WDR1: variants seen among roughly 807,000 people sequenced by gnomAD.
WDR1 encodes WD repeat domain 1, also known as WD repeat-containing protein 1.
Under a neutral mutation model 71.9 loss-of-function variants are expected in WDR1, and 21 were observed. The observed-to-expected ratio is 0.29, with a 90% CI of 0.21 to 0.42. The LOEUF (loss-of-function observed/expected upper bound fraction) is 0.42. Among genes scored for constraint, WDR1 ranks in the 10% least tolerant of loss-of-function variants. The pLI is 1.00. For synonymous variants in WDR1, 424 were observed against 347.4 expected, an observed-to-expected ratio of 1.22 and a Z score of -2.45; for missense variants, 696 against 824.5, an observed-to-expected ratio of 0.84 and a Z score of 1.91.
intron 14 of WDR1, chr4:10,076,396 A>T (rs1000352355): frequency 6.6e-6 from 1 of 152,248 alleles, no homozygotes; most frequent in Non-Finnish European, 1.5e-5. Context: ...AGGTCACTTC[A>T]TGTTTGGTGG....
chr4:10,097,756 C>A lies in WDR1; in HGVS notation c.513G>T (p.Ala171=), dbSNP rs191441707. Residue 171 remains alanine (A), a synonymous_variant, in exon 5 of 15, where the codon GCG becomes GCT. Transcript: ENST00000499869. Reference sequence around the variant, plus strand: ...TGAATGGGGGTCCCTCAAAGAATGCCGCGCAGTTATCATCGCTTCCCGTGG... The same window carrying A: ...TGAATGGGGGTCCCTCAAAGAATGCAGCGCAGTTATCATCGCTTCCCGTGG... ...RLATGSDDNC[A]AFFEGPPFKF... The A allele has an allele frequency of 1.2e-6, 2 of 1,613,172 alleles. No homozygotes were observed. The highest frequency in any genetic ancestry group is 2.2e-5 in the East Asian group (1 of 44,856).
At chr4:10,116,544 T>C (rs908488610) in intron 1 of WDR1, 107 bp downstream of exon 1, 3 of 886,464 alleles carry the variant, frequency 3.4e-6, no homozygotes, top group South Asian at 5.3e-5. Flanking sequence ...CCCGCACCCC[T>C]CCCCCGCGCC....
At chr4:10,089,302 T>G (rs1711808958) in intron 5 of WDR1, among the ~76,000 whole-genome samples, 1 of 152,116 alleles carries the variant, frequency 6.6e-6, no homozygotes, top group South Asian at 2.1e-4. Context: ...AGAGATGGGG[T>G]TTCCCTTTGT....
chr4:10,107,888 G>T (rs757972703), intron 2 of WDR1, among the ~76,000 whole-genome samples: 8 of 152,166 alleles, frequency 5.3e-5, no homozygotes. Flanking sequence ...GCCCAGTGGT[G>T]CCCATTTGAA....
rs147506185 is a variant in WDR1, at chr4:10,089,014, C to A, written c.559-273G>T. 4.7e-3 allele frequency among the ~76,000 whole-genome samples: 720 copies of A among 152,296 alleles called. 21 individuals are homozygous for A. In the East Asian group the frequency reaches 0.08, roughly 17 times the overall value. ...GCAGACCACCTCCAGTTATGCCCCCCCCAGTGAGGTGCCCCCAGCAGCTGC... is the reference window on the plus strand; with the variant it reads ...GCAGACCACCTCCAGTTATGCCCCCACCAGTGAGGTGCCCCCAGCAGCTGC... On this transcript the variant is annotated intron_variant, in intron 5 of 14. Coordinates refer to ENST00000499869, the MANE Select transcript of WDR1 (RefSeq NM_017491.5).
intron 6 of WDR1, 95 bp downstream of exon 6, chr4:10,088,569 T>C (rs113914931): frequency 4.6e-5 from 56 of 1,213,322 alleles, no homozygotes; most frequent in African/African-American, 4.5e-4. Context: ...AAGTTCTGCA[T>C]GTCAGGACTA....
chr4:10,109,130 C>T (rs910866188), intron 2 of WDR1, among the ~76,000 whole-genome samples: 2 of 152,264 alleles, frequency 1.3e-5, no homozygotes, highest in African/African-American at 4.8e-5. Flanking sequence ...AACCTCACAA[C>T]ACCTGCTGTA....
rs1484304662 is a variant in WDR1 at position 10,116,775 on chromosome 4, G to A, written c.-109C>T. On this transcript the variant is annotated 5_prime_UTR_variant, in exon 1 of 15. Transcript: ENST00000499869. ...GCCCGGGGACTGGAGCCGGAAGGCG[G>A]CACCGGGCGTGCCGGGAGTGGAGTG... The A allele has an allele frequency of 7.4e-5, 90 of 1,214,198 alleles. No homozygotes were observed. The highest frequency in any genetic ancestry group is 8.7e-5 in the Non-Finnish European group (84 of 966,670). 75.2% of individuals were successfully genotyped at this position (1,214,198 alleles called of 1,614,324 possible). A position where few individuals can be genotyped will look rare whatever the true frequency, so the allele number is the denominator to read the frequency against.
chr4:10,087,404 G>T (rs533178905), intron 8 of WDR1, among the ~76,000 whole-genome samples: 1 of 152,372 alleles, frequency 6.6e-6, no homozygotes, highest in South Asian at 2.1e-4. Flanking sequence ...GAGCCCTGCA[G>T]GAAGTAACCG....
intron 2 of WDR1, among the ~76,000 whole-genome samples, chr4:10,111,730 G>A (rs1713377106): frequency 6.6e-6 from 1 of 152,126 alleles, no homozygotes; most frequent in Admixed American, 6.5e-5. Context: ...AAACACAGGT[G>A]AGTCCTCTGC....
intron 6 of WDR1, 73 bp downstream of exon 6, chr4:10,088,591 C>G (rs777229267): frequency 7.4e-7 from 1 of 1,359,874 alleles, no homozygotes; most frequent in Non-Finnish European, 1.0e-6. Context: ...CATTAGGCAG[C>G]CTGCGGCTCT....
intron 9 of WDR1, 101 bp from the exon 10 acceptor site, chr4:10,083,279 C>G (rs1250849293): frequency 1.4e-6 from 2 of 1,418,358 alleles, no homozygotes; most frequent in East Asian, 5.0e-5. Flanking sequence ...GAATGAGAAT[C>G]TCGCCGCAAA....
intron 2 of WDR1, 145 bp downstream of exon 2, chr4:10,115,968 G>C: frequency 8.8e-7 from 1 of 1,132,302 alleles, no homozygotes; most frequent in Non-Finnish European, 1.2e-6. Context: ...CCGGGGCTCC[G>C]AGGTGTGGCT....
chr4:10,094,467 G>A (rs1210683375), intron 5 of WDR1, among the ~76,000 whole-genome samples: 1 of 152,204 alleles, frequency 6.6e-6, no homozygotes, highest in Non-Finnish European at 1.5e-5. Flanking sequence ...CCAGGAGCCT[G>A]CCTGGCATGA....
rs547621815 is a variant in WDR1, at chr4:10,101,757, G to A, written c.229+2139C>T. 7.9e-5 allele frequency among the ~76,000 whole-genome samples: 12 copies of A among 152,364 alleles called. No homozygotes were observed. The South Asian group carries it at 1.9e-3, about 24-fold the overall frequency. On this transcript the variant is annotated intron_variant, in intron 3 of 14. Transcript: ENST00000499869. Reference sequence around the variant, plus strand: ...TCTCAGCTTGCAGCTGACAGGGCACGGACAATGTGCCAGGCAGGAGCGGAG... The same window carrying A: ...TCTCAGCTTGCAGCTGACAGGGCACAGACAATGTGCCAGGCAGGAGCGGAG...
At chr4:10,097,669 T>G in intron 5 of WDR1, 42 bp downstream of exon 5, 2 of 1,585,636 alleles carry the variant, frequency 1.3e-6, no homozygotes, top group Non-Finnish European at 1.7e-6. Flanking sequence ...GCTAGCCTCA[T>G]GTACAAACCA....
chr4:10,112,488 G>A (rs1713446197), intron 2 of WDR1, among the ~76,000 whole-genome samples: 1 of 152,174 alleles, frequency 6.6e-6, no homozygotes, highest in South Asian at 2.1e-4. Context: ...TGCCTCTCCA[G>A]GTGAGGCAAC....
chr4:10,100,768 G>A (rs538143178), intron 3 of WDR1, among the ~76,000 whole-genome samples: 3 of 152,236 alleles, frequency 2.0e-5, no homozygotes, highest in African/African-American at 7.2e-5. Flanking sequence ...AACAGGCCGG[G>A]GGGGAAGAAG....
intron 5 of WDR1, 151 bp downstream of exon 5, chr4:10,097,560 C>T (rs2109675960): frequency 2.1e-6 from 2 of 935,646 alleles, no homozygotes; most frequent in South Asian, 1.8e-5. Context: ...GGAGCCCTCC[C>T]TCTCTCTGCA....
Sources: allele counts gnomAD v4.1 joint callset (sites outside exome capture counted in the v4.1 genomes callset), GRCh38; gene constraint gnomAD v4.1.1; transcripts MANE v1.5; gene names NCBI Gene and HGNC (gene_info 2026-07-23, HGNC 2026-07-21).